FRMPD1: variants seen among roughly 807,000 people sequenced by gnomAD.
FRMPD1 encodes FERM and PDZ domain containing 1.
A neutral mutation model predicts 117.8 loss-of-function variants in FRMPD1; 76 were observed. That is an observed-to-expected ratio of 0.65 (90% CI 0.54 to 0.78). The LOEUF is 0.78. Ranked by LOEUF, FRMPD1 falls within the 30% of genes least tolerant of loss-of-function variation. The pLI is 0.00. For synonymous variants in FRMPD1, 783 were observed against 770.4 expected, an observed-to-expected ratio of 1.02 and a Z score of -0.27; for missense variants, 1,786 against 1,964.5, an observed-to-expected ratio of 0.91 and a Z score of 1.72.
intron 3 of FRMPD1, among the ~76,000 whole-genome samples, chr9:37,707,854 A>G (rs1324505838): frequency 2.0e-5 from 3 of 152,204 alleles, no homozygotes; most frequent in Admixed American, 2.0e-4. Context: ...CAGTGAAAGT[A>G]TTTGGCTAAG....
At chr9:37,665,954 AAG>A (rs1041054973) in intron 1 of FRMPD1, among the ~76,000 whole-genome samples, 2 of 152,176 alleles carry the variant, frequency 1.3e-5, no homozygotes, top group Non-Finnish European at 2.9e-5. Context: ...TCTGCAGAAA[AAG>A]AGATCAGAGT....
chr9:37,733,568 G>A lies in FRMPD1; in HGVS notation c.1091G>A (p.Arg364Lys). ...AAAGCCATTAGCTTCCACATGAAGAGGAACCAGAATTTGCTGGAACCCCGA... is the reference window on the plus strand; with the variant it reads ...AAAGCCATTAGCTTCCACATGAAGAAGAACCAGAATTTGCTGGAACCCCGA... ...IKKAISFHMK[R>K]NQNLLEPRQK... Residue 364 changes from arginine (R) to lysine (K), a missense_variant, in exon 11 of 16, where the codon AGG (arginine) becomes AAG (lysine). Coordinates refer to ENST00000377765, the MANE Select transcript of FRMPD1 (RefSeq NM_014907.3). 3 of 1,614,060 alleles carry A rather than the reference G, an allele frequency of 1.9e-6. No individual in the cohort carries two copies. Among genetic ancestry groups the A allele is most frequent in the Non-Finnish European group, 2.5e-6 (3 of 1,179,954 alleles).
intron 7 of FRMPD1, among the ~76,000 whole-genome samples, chr9:37,727,462 T>C (rs1055468505): frequency 3.9e-5 from 6 of 152,136 alleles, no homozygotes; most frequent in East Asian, 3.9e-4. Flanking sequence ...TGCCAACCTT[T>C]GCTCTATGTG....
chr9:37,626,636 A>AAAAAAAAAAAAAAAAAAAAAAG, the FRMPD1 span, among the ~76,000 whole-genome samples: 1 of 143,834 alleles, frequency 7.0e-6, no homozygotes, highest in Non-Finnish European at 1.5e-5. Flanking sequence ...AAAAAAAAAA[A>AAAAAAAAAAAAAAAAAAAAAAG]AAAAAAGCTG....
intron 1 of FRMPD1, among the ~76,000 whole-genome samples, chr9:37,679,823 T>C (rs1213083947): frequency 6.6e-6 from 1 of 152,104 alleles, no homozygotes; most frequent in Non-Finnish European, 1.5e-5. Flanking sequence ...TGCACCAGGG[T>C]GGAGACAAGG....
In FRMPD1 at chr9:37,675,150, C is replaced by T. The variant is rs192779454; in HGVS notation, c.-4-17488C>T. Among the ~76,000 whole-genome samples the T allele has an allele frequency of 1.2e-4, 19 of 152,120 alleles. No individual in the cohort carries two copies. The East Asian group carries it at 2.1e-3, about 17-fold the overall frequency. On this transcript the variant is annotated intron_variant, in intron 1 of 15. Transcript: ENST00000377765. ...GTAAGGAAGAGATCATGGTGGGGCA[C>T]GGTGACTCATGCCTGTAATCTCAGC...
chr9:37,660,586 T>C (rs55677371), intron 1 of FRMPD1, among the ~76,000 whole-genome samples: 18,130 of 152,218 alleles, frequency 0.12, 1,146 homozygotes, highest in Middle Eastern at 0.18. Flanking sequence ...GTTTAAACAA[T>C]GGGTTTAAAG....
intron 1 of FRMPD1, among the ~76,000 whole-genome samples, chr9:37,655,349 G>T (rs1002816125): frequency 2.0e-5 from 3 of 151,940 alleles, no homozygotes; most frequent in African/African-American, 7.3e-5. Flanking sequence ...GTAAAGTGTG[G>T]CTCTGATCTC....
chr9:37,650,473 C>T (rs1820632743), upstream of FRMPD1, among the ~76,000 whole-genome samples: 1 of 152,138 alleles, frequency 6.6e-6, no homozygotes, highest in Non-Finnish European at 1.5e-5. Flanking sequence ...CGTGGGCCCA[C>T]GCTCTCCCTC....
chr9:37,680,941 G>A (rs996634362), intron 1 of FRMPD1, among the ~76,000 whole-genome samples: 3 of 152,162 alleles, frequency 2.0e-5, no homozygotes, highest in African/African-American at 7.2e-5. Context: ...TGGGCACAGT[G>A]GCTCATGCCT....
At chr9:37,672,991 C>T (rs1017876115) in intron 1 of FRMPD1, among the ~76,000 whole-genome samples, 1 of 152,186 alleles carries the variant, frequency 6.6e-6, no homozygotes, top group Non-Finnish European at 1.5e-5. Context: ...TCATTCTGCC[C>T]TTGGCCCCTC....
rs772083271 is a variant in FRMPD1 at position 37,745,878 on chromosome 9, T to G, written c.3846T>G (p.Ser1282Arg). 1.9e-6 allele frequency: 3 copies of G among 1,614,248 alleles called. No homozygotes were observed. In the East Asian group the frequency reaches 6.7e-5, roughly 36 times the overall value. ...ATTGCTTACTCTCAGAAGGCAAAAG[T>G]GACAGCTCTAGCATCTGCCTTTCTG... Reference protein sequence around the residue: ...SNHCLLSEGKSDSSSICLSAE... With the variant: ...SNHCLLSEGKRDSSSICLSAE... Residue 1282 changes from serine to arginine, a missense_variant, in exon 16 of 16, where the codon AGT becomes AGG. Physicochemically the swap from Ser to Arg is moderately radical, Grantham distance 110. Transcript: ENST00000377765.
chr9:37,728,098 C>T lies in FRMPD1; in HGVS notation c.613-1630C>T, dbSNP rs73445172. The T allele has an allele frequency of 6.4e-3, 973 of 152,306 alleles. 11 individuals are homozygous for T. The highest frequency in any genetic ancestry group is 0.022 in the African/African-American group (934 of 41,564). 9.4% of individuals were successfully genotyped at this position (152,306 alleles called of 1,614,324 possible). A position where few individuals can be genotyped will look rare whatever the true frequency, so the allele number is the denominator to read the frequency against. On this transcript the variant is annotated intron_variant, in intron 7 of 15. Coordinates refer to ENST00000377765, the MANE Select transcript of FRMPD1 (RefSeq NM_014907.3). ...TTGGCATGCATTGAATACTTACCAT[C>T]TGCCAGGTGCTGTTCTAAGTGCCTT...
chr9:37,697,008 A>G (rs1822344681), intron 2 of FRMPD1, among the ~76,000 whole-genome samples: 1 of 152,258 alleles, frequency 6.6e-6, no homozygotes, highest in Non-Finnish European at 1.5e-5. Context: ...TTAGAGCTTT[A>G]TAGAGAATCT....
At chr9:37,644,549 G>A in the FRMPD1 span, among the ~76,000 whole-genome samples, 1 of 152,150 alleles carries the variant, frequency 6.6e-6, no homozygotes, top group African/African-American at 2.4e-5. Context: ...CTTGGAAGGT[G>A]GCCCCCCATC....
intron 2 of FRMPD1, 68 bp from the exon 3 acceptor site, chr9:37,707,348 C>A: frequency 7.4e-7 from 1 of 1,357,070 alleles, no homozygotes; most frequent in Admixed American, 1.8e-5. Context: ...ATGCTTAGGG[C>A]TGACCCAGTT....
At chr9:37,730,923 G>T in intron 8 of FRMPD1, 61 bp from the exon 9 acceptor site, 1 of 1,578,040 alleles carries the variant, frequency 6.3e-7, no homozygotes, top group East Asian at 2.2e-5. Context: ...GTGGTTTTGT[G>T]GAATGACTGC....
Position 37,744,500 on chromosome 9 carries a change from G to C in FRMPD1, c.2468G>C (p.Ser823Thr). The C allele has an allele frequency of 6.2e-7, 1 of 1,614,152 alleles. No homozygotes were observed. The change falls in exon 16 of 16, where the codon AGC becomes ACC. Residue 823 changes from serine (S) to threonine (T), a missense_variant. Coordinates refer to ENST00000377765, the MANE Select transcript of FRMPD1 (RefSeq NM_014907.3). ...LPCGPDGRQP[S>T]RRGGVKKYAK... ...TGTGGGCCAGATGGAAGACAGCCAA[G>C]CAGGAGGGGAGGGGTGAAGAAATAT...
chr9:37,712,676 T>A (rs1822954564), intron 5 of FRMPD1, among the ~76,000 whole-genome samples: 2 of 152,354 alleles, frequency 1.3e-5, no homozygotes, highest in South Asian at 4.1e-4. Context: ...TTCTTAAAAG[T>A]AATTATGTGC....
Sources: gnomAD v4.1 joint callset for allele counts (sites outside exome capture counted in the v4.1 genomes callset) on GRCh38, gnomAD v4.1.1 for gene constraint, MANE v1.5 for transcripts, NCBI Gene and HGNC (gene_info 2026-07-23, HGNC 2026-07-21) for gene names.